DLC1: variants seen among roughly 807,000 people sequenced by gnomAD.
The protein encoded by DLC1 is rho GTPase-activating protein 7.
DLC1 carries 54 observed loss-of-function variants against 140.3 expected under a neutral mutation model. That is an observed-to-expected ratio of 0.38 (90% CI 0.31 to 0.48). The LOEUF is 0.48. Ranked by LOEUF, DLC1 falls within the 20% of genes least tolerant of loss-of-function variation. The probability of loss-of-function intolerance (pLI) is 0.96; values close to 1 mark genes in which losing one functional copy is unlikely to be tolerated. For synonymous variants in DLC1, 986 were observed against 728.1 expected (o/e 1.35, Z -5.70); for missense variants, 2,536 against 1,907.0 (o/e 1.33, Z -6.14).
chr8:13,582,927 A>T (rs1161183129), intron 1 of DLC1, among the ~76,000 whole-genome samples: 5 of 115,298 alleles, frequency 4.3e-5, no homozygotes, highest in Non-Finnish European at 9.0e-5. Context: ...TATGTGGTGT[A>T]ATAGCATTAT....
chr8:13,539,404 G>A (rs971775269), intron 1 of DLC1, among the ~76,000 whole-genome samples: 1 of 151,940 alleles, frequency 6.6e-6, no homozygotes, highest in African/African-American at 2.4e-5. Context: ...GTTTCATCGT[G>A]TTAGCCAAGA....
chr8:13,434,162 C>G lies in DLC1; in HGVS notation c.1024-32543G>C, dbSNP rs375701747. On this transcript the variant is annotated intron_variant, in intron 2 of 17. Coordinates refer to ENST00000276297, the MANE Select transcript of DLC1 (RefSeq NM_182643.3). ...AAAGTACTGGGATTACAGGCGTGAGCCACTGCGCCCAGCCACAATCATGGT... is the reference window on the plus strand; with the variant it reads ...AAAGTACTGGGATTACAGGCGTGAGGCACTGCGCCCAGCCACAATCATGGT... Among the ~76,000 whole-genome samples the G allele has an allele frequency of 2.3e-4, 35 of 152,318 alleles. No individual in the cohort carries two copies. In the East Asian group the frequency reaches 2.3e-3, roughly 10 times the overall value.
intron 5 of DLC1, among the ~76,000 whole-genome samples, chr8:13,172,393 A>C (rs962137727): frequency 1.3e-5 from 2 of 152,222 alleles, no homozygotes; most frequent in African/African-American, 2.4e-5. Context: ...GGGATTTTAC[A>C]CTTTGTAGCT....
At chr8:13,164,575 A>G (rs1012286396) in intron 5 of DLC1, among the ~76,000 whole-genome samples, 2 of 152,104 alleles carry the variant, frequency 1.3e-5, no homozygotes, top group African/African-American at 4.8e-5. Context: ...TCTTATCTAT[A>G]TGAGCATATC....
At position 13,099,189 on chromosome 8, in the gene DLC1, T is replaced by A. The variant is rs76713924; in HGVS notation, c.2990+158A>T. Reference sequence around the variant, plus strand: ...CTATACCCATTCAATCCTATCGATTTCTTTGAATTTTGGTGCTTCCTGGTT... The same window carrying A: ...CTATACCCATTCAATCCTATCGATTACTTTGAATTTTGGTGCTTCCTGGTT... On this transcript the variant is annotated intron_variant, in intron 9 of 17. Transcript: ENST00000276297. 0.039 allele frequency among the ~76,000 whole-genome samples: 5,973 copies of A among 152,218 alleles called. 197 individuals carry two copies. The highest frequency in any genetic ancestry group is 0.061 in the Non-Finnish European group (4,118 of 67,994).
intron 5 of DLC1, 119 bp downstream of exon 5, chr8:13,305,150 C>T (rs1832368567): frequency 2.1e-6 from 3 of 1,405,100 alleles, no homozygotes; most frequent in Non-Finnish European, 2.8e-6. Context: ...ATTTAAACAA[C>T]ATTTTCCCAT....
At chr8:13,389,348 G>A (rs914781486) in intron 4 of DLC1, among the ~76,000 whole-genome samples, 2 of 152,228 alleles carry the variant, frequency 1.3e-5, no homozygotes, top group African/African-American at 4.8e-5. Context: ...AGTGATATCA[G>A]TGTACTGTTG....
chr8:13,322,207 A>G (rs73562569), intron 4 of DLC1, among the ~76,000 whole-genome samples: 13,658 of 152,166 alleles, frequency 0.09, 667 homozygotes, highest in African/African-American at 0.1. Flanking sequence ...AATATTATCT[A>G]CTGGTTATTT....
At chr8:13,463,645 T>C (rs936322604) in intron 2 of DLC1, among the ~76,000 whole-genome samples, 1 of 152,222 alleles carries the variant, frequency 6.6e-6, no homozygotes, top group Non-Finnish European at 1.5e-5. Flanking sequence ...AAATTGGGGC[T>C]AGTCACTTCT....
chr8:13,304,654 A>G, intron 5 of DLC1: 1 of 934,374 alleles, frequency 1.1e-6, no homozygotes, highest in Non-Finnish European at 1.3e-6. Context: ...TTTATTACAC[A>G]GAACACATAA....
intron 5 of DLC1, among the ~76,000 whole-genome samples, chr8:13,126,609 G>C (rs1393192091): frequency 2.0e-5 from 3 of 152,138 alleles, no homozygotes; most frequent in East Asian, 3.9e-4. Flanking sequence ...GTAAAATGAA[G>C]CACGTGTTTT....
intron 5 of DLC1, chr8:13,276,682 C>T (rs1053986330): frequency 1.8e-5 from 18 of 975,268 alleles, no homozygotes; most frequent in Non-Finnish European, 2.2e-5. Context: ...TCCTGTGCAA[C>T]CCAATGACTC....
chr8:13,368,365 T>A (rs950482626), intron 4 of DLC1, among the ~76,000 whole-genome samples: 4 of 152,056 alleles, frequency 2.6e-5, no homozygotes, highest in African/African-American at 9.7e-5. Flanking sequence ...ATCCTCTTCA[T>A]AGTAAAGATG....
rs1800102553 is a variant in DLC1 at position 13,469,367 on chromosome 8, G to T, written c.1023+29682C>A. On this transcript the variant is annotated intron_variant, in intron 2 of 17. Transcript: ENST00000276297. ...GTTCCAAAAGTCTGTACCATGGGCA[G>T]AATAATGGTCTGTGGAGCTCTGACT... Among the ~76,000 whole-genome samples the T allele has an allele frequency of 2.0e-5, 3 of 152,168 alleles. No homozygotes were observed. In the South Asian group the frequency reaches 6.2e-4, roughly 32 times the overall value.
intron 5 of DLC1, among the ~76,000 whole-genome samples, chr8:13,145,372 A>T (rs1042495610): frequency 1.3e-5 from 2 of 152,246 alleles, no homozygotes; most frequent in Non-Finnish European, 2.9e-5. Flanking sequence ...GAATAAACGT[A>T]TACTAAGTTT....
At chr8:13,320,227 A>T (rs1833038855) in intron 4 of DLC1, among the ~76,000 whole-genome samples, 1 of 152,188 alleles carries the variant, frequency 6.6e-6, no homozygotes, top group African/African-American at 2.4e-5. Context: ...ACACTAGAAT[A>T]AAATGCTGCT....
intron 4 of DLC1, among the ~76,000 whole-genome samples, chr8:13,385,503 A>G (rs1276472805): frequency 2.0e-5 from 3 of 152,206 alleles, no homozygotes; most frequent in Admixed American, 1.3e-4. Context: ...TACATAAAGT[A>G]TTCATTAAAT....
At chr8:13,098,066 G>A (rs1006221756) in intron 10 of DLC1, among the ~76,000 whole-genome samples, 3 of 148,840 alleles carry the variant, frequency 2.0e-5, no homozygotes, top group East Asian at 2.0e-4. Flanking sequence ...AAAGCTAGCC[G>A]GGTGTGGTGG....
intron 5 of DLC1, among the ~76,000 whole-genome samples, chr8:13,121,646 T>C (rs77813412): frequency 0.14 from 21,945 of 152,038 alleles, 3,894 homozygotes; most frequent in African/African-American, 0.42. Flanking sequence ...ACTCTTGGGC[T>C]CAAGAAACCC....
Sources: allele counts gnomAD v4.1 joint callset (sites outside exome capture counted in the v4.1 genomes callset), GRCh38; gene constraint gnomAD v4.1.1; transcripts MANE v1.5; gene names NCBI Gene and HGNC (gene_info 2026-07-23, HGNC 2026-07-21).